The following ANKRD44 variants were observed in gnomAD, a reference collection of about 807,000 sequenced individuals.
ANKRD44 encodes the protein ankyrin repeat domain 44, also known as serine/threonine-protein phosphatase 6 regulatory ankyrin repeat subunit B.
A neutral mutation model predicts 116.0 loss-of-function variants in ANKRD44; 35 were observed. That is an observed-to-expected ratio of 0.30 (90% CI 0.23 to 0.40). The LOEUF (loss-of-function observed/expected upper bound fraction) is 0.40, where lower values mean the gene tolerates loss of function less well. Among genes scored for constraint, ANKRD44 ranks in the 10% least tolerant of loss-of-function variants. The pLI is 1.00. For missense variants in ANKRD44, 1,014 were observed against 1,242.6 expected, an observed-to-expected ratio of 0.82 and a Z score of 2.77; for synonymous variants, 435 against 461.8, an observed-to-expected ratio of 0.94 and a Z score of 0.74.
At chr2:197,139,840 A>C (rs2125402661) in intron 3 of ANKRD44, among the ~76,000 whole-genome samples, 1 of 139,440 alleles carries the variant, frequency 7.2e-6, no homozygotes, top group Admixed American at 7.6e-5. Context: ...GGGGGGACTA[A>C]GCTGCTTTTG....
At position 196,987,481 on chromosome 2, in the gene ANKRD44, C is replaced by A; in HGVS notation, c.*2110G>T. 1.0e-6 allele frequency: 1 copy of A among 985,306 alleles called. No homozygotes were observed. Among genetic ancestry groups the A allele is most frequent in the Non-Finnish European group, 1.2e-6 (1 of 829,846 alleles). The allele number at this position is 985,306 out of a possible 1,614,324, so 61.0% of individuals were successfully genotyped here. ...CGGATGAGTTCTTCAACCAACACAA[C>A]ATATAAGCACACCAAGTTGCTCAAC... On this transcript the variant is annotated 3_prime_UTR_variant, in exon 28 of 28. Coordinates refer to ENST00000282272, the MANE Select transcript of ANKRD44 (RefSeq NM_001195144.2).
chr2:196,971,005 T>G (rs957144641), intron 21 of ANKRD44, among the ~76,000 whole-genome samples: 4 of 152,192 alleles, frequency 2.6e-5, no homozygotes, highest in African/African-American at 9.7e-5. Flanking sequence ...GACTGGCCAA[T>G]ATTTTAATTT....
At chr2:197,270,731 A>G (rs1178688225) in intron 1 of ANKRD44, among the ~76,000 whole-genome samples, 1 of 152,172 alleles carries the variant, frequency 6.6e-6, no homozygotes, top group African/African-American at 2.4e-5. Flanking sequence ...GTAGCACTGG[A>G]GCTGGGCATA....
chr2:197,040,236 C>A (rs1272477753), intron 16 of ANKRD44, among the ~76,000 whole-genome samples: 4 of 150,892 alleles, frequency 2.7e-5, no homozygotes, highest in Non-Finnish European at 5.9e-5. Context: ...AGGCGAGACA[C>A]CATCTCAACA....
At chr2:197,045,739 T>C (rs1230602324) in intron 16 of ANKRD44, among the ~76,000 whole-genome samples, 1 of 152,208 alleles carries the variant, frequency 6.6e-6, no homozygotes, top group Non-Finnish European at 1.5e-5. Context: ...ATTGACTTTT[T>C]ATATAACTTC....
In ANKRD44 at chr2:197,228,879, T is replaced by C. The variant is rs375170384; in HGVS notation, c.28-41773A>G. 3.3e-5 allele frequency among the ~76,000 whole-genome samples: 5 copies of C among 152,114 alleles called. No homozygotes were observed. In the East Asian group the frequency reaches 5.8e-4, roughly 18 times the overall value. The stretch of plus-strand genomic sequence containing the variant: ...GGTGAAACCCTGTCTCTACTAAAAA[T>C]ACAAAATTAGCTAGGCATGGTGGTG... On this transcript the variant is annotated intron_variant, in intron 1 of 27. Coordinates refer to ENST00000282272, the MANE Select transcript of ANKRD44 (RefSeq NM_001195144.2).
chr2:197,139,572 A>T (rs1197445244), intron 3 of ANKRD44, among the ~76,000 whole-genome samples: 1 of 152,046 alleles, frequency 6.6e-6, no homozygotes, highest in Non-Finnish European at 1.5e-5. Context: ...GAATGAAGTA[A>T]GAGTACCCAT....
chr2:197,200,669 C>T (rs867186504), intron 1 of ANKRD44, among the ~76,000 whole-genome samples: 4 of 152,194 alleles, frequency 2.6e-5, no homozygotes, highest in Non-Finnish European at 2.9e-5. Context: ...ACACATACAA[C>T]GCTTGCTGTG....
At chr2:197,278,449 C>T (rs922454991) in intron 1 of ANKRD44, among the ~76,000 whole-genome samples, 15 of 151,334 alleles carry the variant, frequency 9.9e-5, no homozygotes, top group South Asian at 2.1e-4. Flanking sequence ...CTCCACCTCC[C>T]GGGTTCAAGC....
intron 1 of ANKRD44, among the ~76,000 whole-genome samples, chr2:197,305,741 G>A (rs1249114904): frequency 6.6e-6 from 1 of 152,018 alleles, no homozygotes; most frequent in African/African-American, 2.4e-5. Flanking sequence ...AAAAGTCATT[G>A]GTGTAGAGAA....
At chr2:197,264,145 T>C (rs538889783) in intron 1 of ANKRD44, among the ~76,000 whole-genome samples, 1 of 152,296 alleles carries the variant, frequency 6.6e-6, no homozygotes, top group Non-Finnish European at 1.5e-5. Flanking sequence ...GCCCTCCTCT[T>C]TCCTACTTCC....
At chr2:197,025,392 T>C (rs1407193106) in intron 16 of ANKRD44, 125 bp from the exon 17 acceptor site, 7 of 646,870 alleles carry the variant, frequency 1.1e-5, no homozygotes, top group African/African-American at 1.8e-5. Flanking sequence ...AAAAATATGA[T>C]ATAACATATC....
intron 21 of ANKRD44, among the ~76,000 whole-genome samples, chr2:197,002,911 T>G (rs1345638351): frequency 6.6e-6 from 1 of 152,136 alleles, no homozygotes; most frequent in East Asian, 1.9e-4. Context: ...ATGGGACAAT[T>G]TGAAATATTA....
chr2:197,073,436 G>A (rs1488936783), intron 16 of ANKRD44, among the ~76,000 whole-genome samples: 1 of 152,158 alleles, frequency 6.6e-6, no homozygotes, highest in Non-Finnish European at 1.5e-5. Flanking sequence ...TCTGGCCCTT[G>A]GCTCACATTT....
chr2:197,031,652 A>G (rs2124892788), intron 16 of ANKRD44, among the ~76,000 whole-genome samples: 1 of 152,348 alleles, frequency 6.6e-6, no homozygotes, highest in African/African-American at 2.4e-5. Context: ...ACAAAATGCT[A>G]TGATGTTAGG....
At chr2:197,152,489 G>T (rs967206559) in intron 2 of ANKRD44, among the ~76,000 whole-genome samples, 4 of 152,220 alleles carry the variant, frequency 2.6e-5, no homozygotes, top group Non-Finnish European at 4.4e-5. Flanking sequence ...CAGAAGGAAG[G>T]ATGGTAAACC....
intron 8 of ANKRD44, among the ~76,000 whole-genome samples, chr2:197,118,643 G>GAAAGAAAGAAAA (rs1553512595): frequency 6.8e-6 from 1 of 147,238 alleles, no homozygotes; most frequent in Non-Finnish European, 1.5e-5. Context: ...GAGAGAGAAA[G>GAAAGAAAGAAAA]AAAGAAAGAA....
intron 21 of ANKRD44, among the ~76,000 whole-genome samples, chr2:196,967,658 G>A (rs2075683786): frequency 1.3e-5 from 2 of 152,018 alleles, no homozygotes; most frequent in African/African-American, 2.4e-5. Context: ...ACAAATAATC[G>A]TATGCAATAA....
At chr2:197,279,082 A>T (rs1216708413) in intron 1 of ANKRD44, among the ~76,000 whole-genome samples, 1 of 152,194 alleles carries the variant, frequency 6.6e-6, no homozygotes, top group African/African-American at 2.4e-5. Flanking sequence ...TAACCACATG[A>T]TTGCAGGGCT....
Sources: allele counts gnomAD v4.1 joint callset (sites outside exome capture counted in the v4.1 genomes callset), GRCh38; gene constraint gnomAD v4.1.1; transcripts MANE v1.5; gene names NCBI Gene and HGNC (gene_info 2026-07-23, HGNC 2026-07-21).